Variants in UNC93B1 observed in about 807,000 individuals in gnomAD.
The protein encoded by UNC93B1 is protein unc-93 homolog B1.
A neutral mutation model predicts 56.8 loss-of-function variants in UNC93B1; 33 were observed. That is an observed-to-expected ratio of 0.58 (90% CI 0.44 to 0.78). UNC93B1 has a LOEUF of 0.78. Among genes scored for constraint, UNC93B1 ranks in the 30% least tolerant of loss-of-function variants. The pLI, the probability that UNC93B1 is intolerant of heterozygous loss-of-function variation, is 0.00. For missense variants in UNC93B1, 673 were observed against 819.5 expected, an observed-to-expected ratio of 0.82 and a Z score of 2.18; for synonymous variants, 334 against 358.6, an observed-to-expected ratio of 0.93 and a Z score of 0.77.
At position 68,003,332 on chromosome 11, in the gene UNC93B1, G is replaced by T; in HGVS notation, c.239-157C>A. On this transcript the variant is annotated intron_variant, in intron 2 of 10. Transcript: ENST00000227471. This position sits in a 1 kb window ranked among gnomAD's most constrained non-coding sequence, Gnocchi z 4.4. ...CAGCGGGGTTCCCGGGCTGCGCCAC[G>T]CCTTCTGCCAGCCCGCGGCCACTTG... 9.8e-7 allele frequency: 1 copy of T among 1,021,770 alleles called. No individual in the cohort carries two copies. The allele number at this position is 1,021,770 out of a possible 1,614,324, so 63.3% of individuals were successfully genotyped here. A position where few individuals can be genotyped will look rare whatever the true frequency, so the allele number is the denominator to read the frequency against.
chr11:67,999,910 C>T (rs1565126356), intron 3 of UNC93B1, among the ~76,000 whole-genome samples: 1 of 152,266 alleles, frequency 6.6e-6, no homozygotes, highest in Non-Finnish European at 1.5e-5. Context: ...AAACCACAGG[C>T]CTCTCATCAC....
In UNC93B1 at chr11:68,003,962, C is replaced by T. The variant is rs1168890624; in HGVS notation, c.82G>A (p.Gly28Arg). The T allele has an allele frequency of 7.2e-6, 10 of 1,392,616 alleles. No homozygotes were observed. The highest frequency in any genetic ancestry group is 5.2e-4 in the Middle Eastern group (2 of 3,880). 86.3% of individuals were successfully genotyped at this position (1,392,616 alleles called of 1,614,324 possible). The change falls in exon 1 of 11, where the codon GGG (glycine) becomes AGG (arginine). Residue 28 changes from glycine (G) to arginine (R), a missense_variant. Physicochemically the swap from Gly to Arg is moderately radical, Grantham distance 125 (BLOSUM62 -2). Transcript: ENST00000227471. This position sits in a 1 kb window ranked among gnomAD's most constrained non-coding sequence, Gnocchi z 4.4. ...GDEDLLGVPD[G>R]PEAPLDELVG... ...TCCCCGCTCACCGGGGCCTCGGGCC[C>T]GTCCGGGACCCCGAGCAGGTCCTCG...
rs558019750 is a variant in UNC93B1 at position 68,003,817 on chromosome 11, G to A, written c.97-19C>T. On this transcript the variant is annotated intron_variant, in intron 1 of 10. Coordinates refer to ENST00000227471, the MANE Select transcript of UNC93B1 (RefSeq NM_030930.4). The surrounding 1 kb of genome is among the most constrained non-coding windows in gnomAD (Gnocchi z 4.4). ...CGTCCAGCTGCGAGCCACGCACGCC[G>A]CTCGCACCCGCGATCGCGCCCCGAA... The A allele has an allele frequency of 2.3e-5, 33 of 1,457,050 alleles. No individual in the cohort carries two copies. The African/African-American group carries it at 3.8e-4, about 17-fold the overall frequency. 90.3% of individuals were successfully genotyped at this position (1,457,050 alleles called of 1,614,324 possible).
At position 67,991,699 on chromosome 11, in the gene UNC93B1, C is replaced by G; in HGVS notation, c.1641G>C (p.Ser547=). The change falls in exon 11 of 11, where the codon TCG becomes TCC. Residue 547 remains serine, a synonymous_variant. Transcript: ENST00000227471. Reference sequence around the variant, plus strand: ...GCTCGCCCTCCGCGTCGCTCTCGTCCGAGTTGTCCTCCTCCAAGTAGCGGT... The same window carrying G: ...GCTCGCCCTCCGCGTCGCTCTCGTCGGAGTTGTCCTCCTCCAAGTAGCGGT... ...RGYRYLEEDN[S]DESDAEGEHG... is the part of the protein sequence containing the mutation. 1 of 1,533,610 alleles carries G rather than the reference C, an allele frequency of 6.5e-7. No homozygotes were observed.
Position 67,991,542 on chromosome 11 carries a change from C to A in UNC93B1, c.*4G>T, listed in dbSNP as rs1856840199. The A allele has an allele frequency of 6.3e-6, 9 of 1,426,788 alleles. No homozygotes were observed. Among genetic ancestry groups the A allele is most frequent in the Non-Finnish European group, 8.2e-6 (9 of 1,095,898 alleles). 88.4% of individuals were successfully genotyped at this position (1,426,788 alleles called of 1,614,324 possible). A position where few individuals can be genotyped will look rare whatever the true frequency, so the allele number is the denominator to read the frequency against. On this transcript the variant is annotated 3_prime_UTR_variant, in exon 11 of 11. Transcript: ENST00000227471. Reference sequence around the variant, plus strand: ...GAGGCTGAGTCCGGGGACCAGGCGGCCCCTCACTGCTCCTCCGGCCCGTCT... The same window carrying A: ...GAGGCTGAGTCCGGGGACCAGGCGGACCCTCACTGCTCCTCCGGCCCGTCT...
At chr11:68,000,224 A>C (rs973685422) in intron 3 of UNC93B1, among the ~76,000 whole-genome samples, 1 of 152,224 alleles carries the variant, frequency 6.6e-6, no homozygotes, top group Non-Finnish European at 1.5e-5. Flanking sequence ...GGGCTTGGTG[A>C]GTGACAGGAT....
rs929257396 is a variant in UNC93B1 at position 68,004,012 on chromosome 11, G to T, written c.32C>A (p.Ala11Glu). The change falls in exon 1 of 11, where the codon GCG (alanine) becomes GAG (glutamate). Residue 11 changes from alanine (A) to glutamate (E), a missense_variant. Coordinates refer to ENST00000227471, the MANE Select transcript of UNC93B1 (RefSeq NM_030930.4). ...GTCGCCCTGCGGCCCCGCAGCCCCC[G>T]CCATCGGGTAGAGCGGCGGCTCCGC... The part of the protein sequence containing the change: MEAEPPLYPM[A>E]GAAGPQGDED... 6.4e-6 allele frequency: 9 copies of T among 1,401,002 alleles called. No homozygotes were observed. Among genetic ancestry groups the T allele is most frequent in the Non-Finnish European group, 7.4e-6 (8 of 1,074,372 alleles). The allele number at this position is 1,401,002 out of a possible 1,614,324, so 86.8% of individuals were successfully genotyped here.
At chr11:68,001,599 G>A (rs1196987865) in intron 3 of UNC93B1, among the ~76,000 whole-genome samples, 2 of 151,918 alleles carry the variant, frequency 1.3e-5, no homozygotes, top group Non-Finnish European at 2.9e-5. Flanking sequence ...AGGAGGCAGT[G>A]AGCTGTGTTC....
chr11:68,003,682 G>A lies in UNC93B1; in HGVS notation c.213C>T (p.Gly71=). 3 of 1,529,402 alleles carry A rather than the reference G, an allele frequency of 2.0e-6. No individual in the cohort carries two copies. The highest frequency in any genetic ancestry group is 2.4e-5 in the South Asian group (2 of 82,702). The allele number at this position is 1,529,402 out of a possible 1,614,324, so 94.7% of individuals were successfully genotyped here. A position where few individuals can be genotyped will look rare whatever the true frequency, so the allele number is the denominator to read the frequency against. Residue 71 remains glycine, a synonymous_variant, in exon 2 of 11, where the codon GGC becomes GGT. Coordinates refer to ENST00000227471, the MANE Select transcript of UNC93B1 (RefSeq NM_030930.4). This position sits in a 1 kb window ranked among gnomAD's most constrained non-coding sequence, Gnocchi z 4.4. ...CCAGGTAGACGCCGTAGGTGAGCAT[G>A]CCCCCGGCGCTGGCAGCCAGCACGT... is the stretch of plus-strand genomic sequence containing the variant. The part of the protein sequence containing the change: ...LKNVLAASAG[G]MLTYGVYLGL...
chr11:68,003,602 C>A lies in UNC93B1; in HGVS notation c.238+55G>T. The A allele has an allele frequency of 1.3e-6, 2 of 1,482,620 alleles. No homozygotes were observed. Among genetic ancestry groups the A allele is most frequent in the Non-Finnish European group, 1.8e-6 (2 of 1,119,964 alleles). The allele number at this position is 1,482,620 out of a possible 1,614,324, so 91.8% of individuals were successfully genotyped here. A position where few individuals can be genotyped will look rare whatever the true frequency, so the allele number is the denominator to read the frequency against. ...AGGCGGCGGCCCGCGGTTTCTGTTT[C>A]CCGGGCCGGGCTGGGAGCGGGCGGG... is the stretch of plus-strand genomic sequence containing the variant. On this transcript the variant is annotated intron_variant, in intron 2 of 10. Transcript: ENST00000227471. This position sits in a 1 kb window ranked among gnomAD's most constrained non-coding sequence, Gnocchi z 4.4.
intron 8 of UNC93B1, among the ~76,000 whole-genome samples, chr11:67,996,186 C>T (rs1304976612): frequency 6.6e-6 from 1 of 150,944 alleles, no homozygotes; most frequent in Non-Finnish European, 1.5e-5. Context: ...CCCCGCGATA[C>T]GGGGAGTAAG....
Position 67,991,584 on chromosome 11 carries a change from C to T in UNC93B1, c.1756G>A (p.Glu586Lys). The T allele has an allele frequency of 1.3e-6, 2 of 1,493,770 alleles. No homozygotes were observed. Among genetic ancestry groups the T allele is most frequent in the Non-Finnish European group, 1.8e-6 (2 of 1,129,408 alleles). The allele number at this position is 1,493,770 out of a possible 1,614,324, so 92.5% of individuals were successfully genotyped here. A position where few individuals can be genotyped will look rare whatever the true frequency, so the allele number is the denominator to read the frequency against. ...AGLGRRPCPY[E>K]QAQGGDGPEE... ...GGCCCGTCTCCCCCCTGCGCCTGTT[C>T]GTACGGGCAGGGCCGGCGGCCGAGT... The change falls in exon 11 of 11, where the codon GAA (glutamate) becomes AAA (lysine). Residue 586 changes from glutamate (E) to lysine (K), a missense_variant. Glu to Lys is a moderately conservative substitution (Grantham distance 56). Around this residue, in one of 3 missense-constraint regions of UNC93B1, gnomAD observed 80 missense variants for 85.3 expected, o/e 0.94. Transcript: ENST00000227471.
Position 67,997,802 on chromosome 11 carries a change from G to A in UNC93B1, c.782-3C>T. 1 of 1,605,426 alleles carries A rather than the reference G, an allele frequency of 6.2e-7. No homozygotes were observed. Among genetic ancestry groups the A allele is most frequent in the East Asian group, 2.2e-5 (1 of 44,826 alleles). On this transcript the variant is annotated splice_polypyrimidine_tract_variant and splice_region_variant and intron_variant, in intron 6 of 10. Coordinates refer to ENST00000227471, the MANE Select transcript of UNC93B1 (RefSeq NM_030930.4). ...GAGGATCCCGTGGCTGTTGGTGCCT[G>A]GGAAGGGTGGGGGTGAGGGCACCGT... is the stretch of plus-strand genomic sequence containing the variant.
intron 10 of UNC93B1, among the ~76,000 whole-genome samples, chr11:67,992,601 G>A (rs1269338898): frequency 2.0e-5 from 3 of 150,460 alleles, no homozygotes; most frequent in Admixed American, 6.6e-5. Flanking sequence ...GCCTCCCAAA[G>A]TGTTGGGATT....
rs903471991 is a variant in UNC93B1 at position 67,999,156 on chromosome 11, G to A, written c.687+17C>T. The A allele has an allele frequency of 6.2e-7, 1 of 1,613,692 alleles. No individual in the cohort carries two copies. The highest frequency in any genetic ancestry group is 1.1e-5 in the South Asian group (1 of 91,070). ...GGTCTGCCCCTGCCACCCAACAATG[G>A]CCCACGTGGCACTCACATGGAAGAA... is the stretch of plus-strand genomic sequence containing the variant. On this transcript the variant is annotated intron_variant, in intron 5 of 10. Coordinates refer to ENST00000227471, the MANE Select transcript of UNC93B1 (RefSeq NM_030930.4).
At chr11:67,995,587 C>A (rs947969110) in intron 9 of UNC93B1, 24 bp downstream of exon 9, 4 of 610,012 alleles carry the variant, frequency 6.6e-6, no homozygotes, top group Admixed American at 5.3e-5. Context: ...CCCCCCCCCC[C>A]CCAGTGCCCA....
At chr11:67,998,333 C>T (rs1223739679) in intron 6 of UNC93B1, 26 bp downstream of exon 6, 3 of 1,613,184 alleles carry the variant, frequency 1.9e-6, no homozygotes, top group Non-Finnish European at 2.5e-6. Flanking sequence ...TTGTGGACTC[C>T]TCCCCAACCC....
In UNC93B1 at chr11:67,999,584, G is replaced by C. The variant is rs759752373; in HGVS notation, c.489C>G (p.Pro163=). 3 of 1,596,942 alleles carry C rather than the reference G, an allele frequency of 1.9e-6. No individual in the cohort carries two copies. The highest frequency in any genetic ancestry group is 8.5e-7 in the Non-Finnish European group (1 of 1,172,470). ...TGGCCATGCCCAGGGCCACAGCCGA[G>C]GGCACAAGCGTGTAGTAGCGCTCCC... The part of the protein sequence containing the change: ...NYWERYYTLV[P]SAVALGMAIV... The change falls in exon 4 of 11, where the codon CCC becomes CCG. Residue 163 remains proline, a synonymous_variant. Transcript: ENST00000227471.
At chr11:67,997,594 A>G in intron 7 of UNC93B1, 81 bp downstream of exon 7, 1 of 1,588,570 alleles carries the variant, frequency 6.3e-7, no homozygotes, top group Non-Finnish European at 8.5e-7. Context: ...ATGCCATCCG[A>G]TCCAGACCCT....
Sources: gnomAD v4.1 joint callset for allele counts (sites outside exome capture counted in the v4.1 genomes callset) on GRCh38, gnomAD v4.1.1 for gene constraint, gnomAD v4.1.1 regional missense constraint, Gnocchi (gnomAD v3.1) non-coding constraint, MANE v1.5 for transcripts, NCBI Gene and HGNC (gene_info 2026-07-23, HGNC 2026-07-21) for gene names.